NEDD4L: variants seen among roughly 807,000 people sequenced by gnomAD.
NEDD4L encodes E3 ubiquitin-protein ligase NEDD4-like.
In NEDD4L, 54 loss-of-function variants were observed where a neutral mutation model predicts 148.9. That is an observed-to-expected ratio of 0.36 (90% confidence interval 0.29 to 0.45). The LOEUF is 0.45. NEDD4L is among the 20% of genes least tolerant of loss of function. The pLI, the probability that NEDD4L is intolerant of heterozygous loss-of-function variation, is 1.00. For missense variants in NEDD4L, 856 were observed against 1,233.8 expected, an observed-to-expected ratio of 0.69 and a Z score of 4.59; for synonymous variants, 433 against 440.7, an observed-to-expected ratio of 0.98 and a Z score of 0.22.
chr18:58,370,353 G>A (rs1601793800), intron 22 of NEDD4L, 44 bp from the exon 23 acceptor site: 1 of 1,157,008 alleles, frequency 8.6e-7, no homozygotes. Flanking sequence ...ATACATAGCA[G>A]TGTCAAAGAC....
At position 58,140,712 on chromosome 18, in the gene NEDD4L, C is replaced by G. The variant is rs559893042; in HGVS notation, c.49-25076C>G. Among the ~76,000 whole-genome samples the G allele has an allele frequency of 3.3e-5, 5 of 152,330 alleles. No homozygotes were observed. In the East Asian group the frequency reaches 9.7e-4, roughly 29 times the overall value. ...AGTGTTTCTCTCAGAGGAGGAGTGC[C>G]TTTCTGGTGTCATCTGTCCTGTTGG... is the stretch of plus-strand genomic sequence containing the variant. On this transcript the variant is annotated intron_variant, in intron 1 of 30. Coordinates refer to ENST00000400345, the MANE Select transcript of NEDD4L (RefSeq NM_001144967.3).
intron 2 of NEDD4L, among the ~76,000 whole-genome samples, chr18:58,235,357 C>T (rs1012502940): frequency 6.6e-6 from 1 of 152,152 alleles, no homozygotes; most frequent in Non-Finnish European, 1.5e-5. Context: ...CACATAGGTG[C>T]TCAGCAGCGT....
intron 18 of NEDD4L, chr18:58,351,327 C>A: frequency 4.8e-6 from 1 of 206,354 alleles, no homozygotes; most frequent in Non-Finnish European, 8.5e-6. Context: ...TTGTTGATCC[C>A]TTGACTTTTG....
chr18:58,132,047 C>G (rs1368167090), intron 1 of NEDD4L, among the ~76,000 whole-genome samples: 1 of 152,206 alleles, frequency 6.6e-6, no homozygotes, highest in Admixed American at 6.5e-5. Flanking sequence ...ACAGCTCCTT[C>G]TCCTTTCTGA....
chr18:58,195,199 G>A (rs1448411219), intron 2 of NEDD4L, among the ~76,000 whole-genome samples: 1 of 152,328 alleles, frequency 6.6e-6, no homozygotes, highest in East Asian at 1.9e-4. Flanking sequence ...GGATCCCTGA[G>A]GCTCCAGGGT....
At chr18:58,045,474 C>T (rs780438151) in intron 1 of NEDD4L, 21 of 204,478 alleles carry the variant, frequency 1.0e-4, no homozygotes, top group Non-Finnish European at 1.9e-4. Context: ...TAAGCCACGC[C>T]TCCCAGGCGG....
rs1331344286 is a variant in NEDD4L at position 58,349,631 on chromosome 18, C to T, written c.1653+17C>T. ...CCCCTTCCTGTGAGTACACTGGAGA[C>T]ACATGGAATGGTCTGAATATGTGTG... On this transcript the variant is annotated intron_variant, in intron 17 of 30. Transcript: ENST00000400345. 1.3e-6 allele frequency: 2 copies of T among 1,587,818 alleles called. No individual in the cohort carries two copies. Among genetic ancestry groups the T allele is most frequent in the Middle Eastern group, 1.7e-4 (1 of 6,034 alleles).
chr18:58,275,869 G>A (rs1207056242), intron 5 of NEDD4L, among the ~76,000 whole-genome samples: 2 of 152,096 alleles, frequency 1.3e-5, no homozygotes, highest in African/African-American at 4.8e-5. Context: ...TTGAAAGTAG[G>A]GGGAGCATTG....
chr18:58,293,893 T>C (rs2055144863), intron 5 of NEDD4L, among the ~76,000 whole-genome samples: 1 of 151,998 alleles, frequency 6.6e-6, no homozygotes, highest in African/African-American at 2.4e-5. Context: ...TGACTAATTA[T>C]TGTATTTTTT....
Position 58,366,987 on chromosome 18 carries a change from C to G in NEDD4L, c.2063+759C>G, listed in dbSNP as rs912947096. On this transcript the variant is annotated intron_variant, in intron 21 of 30. Transcript: ENST00000400345. The surrounding 1 kb of genome is among the most constrained non-coding windows in gnomAD (Gnocchi z 4.2). ...GTACATTCTTCCTGGTTGCTCTAGC[C>G]AAGAATTGCCCAATTGATTTGTTGT... 4.6e-5 allele frequency: 7 copies of G among 152,250 alleles called. No individual in the cohort carries two copies. The highest frequency in any genetic ancestry group is 1.0e-4 in the Non-Finnish European group (7 of 68,086). The allele number at this position is 152,250 out of a possible 1,614,324, so 9.4% of individuals were successfully genotyped here.
chr18:58,086,679 T>G (rs2083776745), intron 1 of NEDD4L, among the ~76,000 whole-genome samples: 1 of 152,184 alleles, frequency 6.6e-6, no homozygotes, highest in Non-Finnish European at 1.5e-5. Context: ...TATTTTCTAT[T>G]CAAAAAAGTA....
chr18:58,340,650 C>G (rs1031775473), intron 13 of NEDD4L, among the ~76,000 whole-genome samples: 3 of 152,230 alleles, frequency 2.0e-5, no homozygotes, highest in African/African-American at 7.2e-5. Context: ...GAGCATCCCT[C>G]TCATACACAG....
At chr18:58,118,574 CA>C (rs1263872408) in intron 1 of NEDD4L, among the ~76,000 whole-genome samples, 1 of 152,206 alleles carries the variant, frequency 6.6e-6, no homozygotes, top group Non-Finnish European at 1.5e-5. Context: ...TCCTCTTGTT[CA>C]TCCTCCCTTT....
At chr18:58,273,027 G>T (rs1435418323) in intron 5 of NEDD4L, among the ~76,000 whole-genome samples, 2 of 152,216 alleles carry the variant, frequency 1.3e-5, no homozygotes, top group Non-Finnish European at 2.9e-5. Flanking sequence ...GCTGAGGCCT[G>T]GGAAGGACCC....
intron 16 of NEDD4L, among the ~76,000 whole-genome samples, chr18:58,347,153 C>T (rs1011398774): frequency 6.6e-6 from 1 of 151,556 alleles, no homozygotes; most frequent in Non-Finnish European, 1.5e-5. Flanking sequence ...TGCTCTGCCC[C>T]TCACTGCCTC....
chr18:58,239,655 G>A (rs1029452019), intron 2 of NEDD4L, among the ~76,000 whole-genome samples: 8 of 152,232 alleles, frequency 5.3e-5, no homozygotes, highest in African/African-American at 1.9e-4. Flanking sequence ...TGATTGGTCA[G>A]GACGACTGTC....
intron 1 of NEDD4L, among the ~76,000 whole-genome samples, chr18:58,137,542 C>T (rs190214770): frequency 2.0e-5 from 3 of 152,218 alleles, no homozygotes; most frequent in East Asian, 1.9e-4. Context: ...GAGGAAAAGT[C>T]GCCGAGCCCA....
intron 1 of NEDD4L, among the ~76,000 whole-genome samples, chr18:58,111,020 A>G (rs923683311): frequency 6.6e-6 from 1 of 152,202 alleles, no homozygotes; most frequent in African/African-American, 2.4e-5. Context: ...TAATTCAATT[A>G]CTTTTATTAT....
intron 27 of NEDD4L, 54 bp downstream of exon 27, chr18:58,387,552 AT>A: frequency 7.0e-7 from 1 of 1,419,802 alleles, no homozygotes; most frequent in Non-Finnish European, 9.4e-7. Flanking sequence ...AGTATCTCTC[AT>A]TACTTTACAA....
Sources: gnomAD v4.1 joint callset for allele counts (sites outside exome capture counted in the v4.1 genomes callset) on GRCh38, gnomAD v4.1.1 for gene constraint, Gnocchi (gnomAD v3.1) non-coding constraint, MANE v1.5 for transcripts, NCBI Gene and HGNC (gene_info 2026-07-23, HGNC 2026-07-21) for gene names.